Variants in DSCAM observed in about 807,000 individuals in gnomAD.
DSCAM encodes the protein DS cell adhesion molecule.
A neutral mutation model predicts 217.7 loss-of-function variants in DSCAM; 47 were observed. The ratio of observed to expected loss-of-function variants is 0.22; its 90% confidence interval spans 0.17 to 0.28. DSCAM has a LOEUF of 0.28. Ranked by LOEUF, DSCAM falls within the 10% of genes least tolerant of loss-of-function variation. The probability of loss-of-function intolerance (pLI) is 1.00; values close to 1 mark genes in which losing one functional copy is unlikely to be tolerated. For missense variants in DSCAM, 2,080 were observed against 2,618.3 expected (o/e 0.79, Z 4.49); for synonymous variants, 1,056 against 1,015.3 (o/e 1.04, Z -0.76).
At chr21:40,815,307 T>G (rs2091871250) in intron 1 of DSCAM, among the ~76,000 whole-genome samples, 1 of 151,888 alleles carries the variant, frequency 6.6e-6, no homozygotes, top group African/African-American at 2.4e-5. Context: ...AAAGCTCATT[T>G]GTTTCCACCA....
intron 32 of DSCAM, among the ~76,000 whole-genome samples, chr21:40,033,235 G>A (rs1286364961): frequency 3.3e-5 from 5 of 152,196 alleles, no homozygotes. Flanking sequence ...GCAGAAGACG[G>A]GTGATTTCGG....
intron 8 of DSCAM, among the ~76,000 whole-genome samples, chr21:40,328,880 A>G (rs1395803069): frequency 6.6e-6 from 1 of 152,226 alleles, no homozygotes; most frequent in Non-Finnish European, 1.5e-5. Context: ...TTCTCAAAAG[A>G]AGACATACAT....
chr21:40,121,716 G>A (rs976094522), intron 20 of DSCAM, among the ~76,000 whole-genome samples: 1 of 86,134 alleles, frequency 1.2e-5, no homozygotes, highest in Non-Finnish European at 2.2e-5. Flanking sequence ...TTGAGACAGA[G>A]TCTTGCTCTG....
At chr21:40,319,894 T>A (rs922025933) in intron 8 of DSCAM, among the ~76,000 whole-genome samples, 1 of 152,204 alleles carries the variant, frequency 6.6e-6, no homozygotes, top group Non-Finnish European at 1.5e-5. Context: ...ATCATGTCCT[T>A]TGCAGGGACA....
intron 8 of DSCAM, among the ~76,000 whole-genome samples, chr21:40,331,874 G>T (rs895666425): frequency 1.3e-5 from 2 of 152,082 alleles, no homozygotes; most frequent in African/African-American, 2.4e-5. Context: ...ATTTACCTGT[G>T]ATTTTAACTA....
At chr21:40,467,930 C>CAAAAAAAAAAAAA (rs56379350) in intron 3 of DSCAM, among the ~76,000 whole-genome samples, 5 of 84,420 alleles carry the variant, frequency 5.9e-5, no homozygotes, top group African/African-American at 1.9e-4. Flanking sequence ...AAAGATTAAC[C>CAAAAAAAAAAAAA]AAAAAAAAAA....
chr21:40,276,398 C>T, intron 10 of DSCAM, 128 bp from the exon 11 acceptor site: 1 of 712,338 alleles, frequency 1.4e-6, no homozygotes, highest in Non-Finnish European at 2.0e-6. Flanking sequence ...TCACGGGATA[C>T]ACCAGGTTTT....
chr21:40,703,792 C>G (rs1377128522), intron 2 of DSCAM, among the ~76,000 whole-genome samples: 1 of 152,136 alleles, frequency 6.6e-6, no homozygotes, highest in Non-Finnish European at 1.5e-5. Context: ...TTTTGGCCTG[C>G]ATTTTTCCAC....
At chr21:40,809,848 A>G (rs368162950) in intron 1 of DSCAM, among the ~76,000 whole-genome samples, 16 of 152,254 alleles carry the variant, frequency 1.1e-4, no homozygotes, top group African/African-American at 3.1e-4. Flanking sequence ...CTTGCACGTG[A>G]CTCACTCACA....
In DSCAM at chr21:40,148,610, T is replaced by C. The variant is rs140469297; in HGVS notation, c.3019-3879A>G. On this transcript the variant is annotated intron_variant, in intron 16 of 32. Transcript: ENST00000400454. ...ACAACACTAACTGGCACCTCCACCATGATGACCACCACCACCAATCAATGC... is the reference window on the plus strand; with the variant it reads ...ACAACACTAACTGGCACCTCCACCACGATGACCACCACCACCAATCAATGC... Among the ~76,000 whole-genome samples the C allele has an allele frequency of 8.6e-4, 131 of 152,198 alleles. 1 individual carries two copies. The highest frequency in any genetic ancestry group is 3.1e-3 in the African/African-American group (130 of 41,502).
intron 1 of DSCAM, among the ~76,000 whole-genome samples, chr21:40,712,969 C>T (rs66461687): frequency 6.6e-6 from 1 of 152,126 alleles, no homozygotes; most frequent in Non-Finnish European, 1.5e-5. Context: ...GAGGGACACA[C>T]AATGTAGATG....
At position 40,338,096 on chromosome 21, in the gene DSCAM, C is replaced by T; in HGVS notation, c.1783+5G>A. The T allele has an allele frequency of 1.2e-6, 2 of 1,613,038 alleles. No homozygotes were observed. Among genetic ancestry groups the T allele is most frequent in the Non-Finnish European group, 1.7e-6 (2 of 1,179,680 alleles). On this transcript the variant is annotated splice_donor_5th_base_variant and intron_variant, in intron 8 of 32. Coordinates refer to ENST00000400454, the MANE Select transcript of DSCAM (RefSeq NM_001389.5). The stretch of plus-strand genomic sequence containing the variant: ...TTGTGTGGGAACCAGGAGAACAGGG[C>T]TTACCTTTCACGGTCACGTGGACGC...
intron 3 of DSCAM, among the ~76,000 whole-genome samples, chr21:40,490,602 T>C (rs2076068812): frequency 6.6e-6 from 1 of 152,174 alleles, no homozygotes; most frequent in African/African-American, 2.4e-5. Flanking sequence ...GAGGTCTGGC[T>C]GGAGTACCCC....
intron 3 of DSCAM, among the ~76,000 whole-genome samples, chr21:40,461,581 C>T (rs2075806262): frequency 6.6e-6 from 1 of 152,052 alleles, no homozygotes; most frequent in Non-Finnish European, 1.5e-5. Context: ...GAATAATGTC[C>T]CAATCCCCCC....
At chr21:40,409,928 T>C (rs879943181) in intron 3 of DSCAM, among the ~76,000 whole-genome samples, 39 of 152,136 alleles carry the variant, frequency 2.6e-4, no homozygotes, top group Non-Finnish European at 4.3e-4. Flanking sequence ...AAATTCAAAA[T>C]GGCTGACATC....
At chr21:40,599,429 G>C (rs1458723713) in intron 3 of DSCAM, among the ~76,000 whole-genome samples, 1 of 152,084 alleles carries the variant, frequency 6.6e-6, no homozygotes, top group Non-Finnish European at 1.5e-5. Flanking sequence ...GTGTCCATGT[G>C]TTATCATTGT....
intron 3 of DSCAM, among the ~76,000 whole-genome samples, chr21:40,608,663 G>T (rs1009513861): frequency 6.6e-6 from 1 of 152,160 alleles, no homozygotes; most frequent in African/African-American, 2.4e-5. Flanking sequence ...ATATTCAAAT[G>T]CAGAACTTTC....
intron 11 of DSCAM, among the ~76,000 whole-genome samples, chr21:40,262,353 C>T (rs56984978): frequency 0.094 from 14,229 of 151,926 alleles, 1,593 homozygotes; most frequent in African/African-American, 0.25. Flanking sequence ...AGCAAAAAGC[C>T]TCTGCAGAGA....
At chr21:40,635,199 G>A (rs2089740892) in intron 3 of DSCAM, among the ~76,000 whole-genome samples, 1 of 152,122 alleles carries the variant, frequency 6.6e-6, no homozygotes, top group African/African-American at 2.4e-5. Flanking sequence ...CCATCGACAG[G>A]AGAGAAAGGG....
Sources: allele counts gnomAD v4.1 joint callset (sites outside exome capture counted in the v4.1 genomes callset), GRCh38; gene constraint gnomAD v4.1.1; transcripts MANE v1.5; gene names NCBI Gene and HGNC (gene_info 2026-07-23, HGNC 2026-07-21).